The following TMCO1 variants were observed in gnomAD, a reference collection of about 807,000 sequenced individuals.
TMCO1 encodes calcium load-activated calcium channel.
A neutral mutation model predicts 29.3 loss-of-function variants in TMCO1; 29 were observed. That is an observed-to-expected ratio of 0.99 (90% CI 0.74 to 1.35). The LOEUF is 1.35. Ranked by LOEUF, TMCO1 falls within the 40% of genes most tolerant of loss-of-function variation. The pLI is 0.00. For missense variants in TMCO1, 173 were observed against 225.5 expected (o/e 0.77, Z 1.49); for synonymous variants, 80 against 77.1 (o/e 1.04, Z -0.20).
chr1:165,724,625 T>A (rs1331400955), downstream of TMCO1: 24 of 454,054 alleles, frequency 5.3e-5, no homozygotes, highest in East Asian at 1.5e-3. Flanking sequence ...AAGGCTCTAG[T>A]GATTCTGATA....
rs558227875 is a variant in TMCO1 at position 165,727,766 on chromosome 1, T to C, written c.*257A>G. 9 of 469,312 alleles carry C rather than the reference T, an allele frequency of 1.9e-5. No homozygotes were observed. Among genetic ancestry groups the C allele is most frequent in the African/African-American group, 1.8e-4 (9 of 50,786 alleles). The allele number at this position is 469,312 out of a possible 1,614,324, so 29.1% of individuals were successfully genotyped here. A position where few individuals can be genotyped will look rare whatever the true frequency, so the allele number is the denominator to read the frequency against. On this transcript the variant is annotated 3_prime_UTR_variant, in exon 7 of 7. Coordinates refer to ENST00000367881, the MANE Select transcript of TMCO1 (RefSeq NM_019026.6). The stretch of plus-strand genomic sequence containing the variant: ...TAAATGAAACAAGAAGGATGCTATT[T>C]GTTTTTCATTACATAAACATTACCT...
intron 2 of TMCO1, among the ~76,000 whole-genome samples, chr1:165,762,694 T>C (rs1652438945): frequency 6.6e-6 from 1 of 152,212 alleles, no homozygotes; most frequent in Non-Finnish European, 1.5e-5. Flanking sequence ...TTTCTGTCCA[T>C]GATCTGTATT....
intron 2 of TMCO1, among the ~76,000 whole-genome samples, chr1:165,761,191 G>GTA (rs1266173371): frequency 3.9e-5 from 6 of 152,026 alleles, no homozygotes; most frequent in Non-Finnish European, 7.4e-5. Flanking sequence ...GTGTGTGTGT[G>GTA]TGTTTGTTCT....
At chr1:165,724,732 A>C (rs548906177), downstream of TMCO1, 1 of 453,376 alleles carries the variant, frequency 2.2e-6, no homozygotes, top group Non-Finnish European at 4.4e-6. Flanking sequence ...ATTCCAAAAA[A>C]CTGCAAAAAT....
At chr1:165,763,296 T>G (rs182486194) in intron 2 of TMCO1, among the ~76,000 whole-genome samples, 2 of 152,362 alleles carry the variant, frequency 1.3e-5, no homozygotes, top group African/African-American at 4.8e-5. Flanking sequence ...CTTTTTAATA[T>G]TCCTCATGCT....
intron 6 of TMCO1, among the ~76,000 whole-genome samples, chr1:165,738,950 C>G (rs543942349): frequency 1.3e-5 from 2 of 152,128 alleles, no homozygotes; most frequent in East Asian, 3.9e-4. Context: ...TTTTCTCATG[C>G]GTGTCATGCA....
chr1:165,749,726 G>A (rs1333997651), intron 5 of TMCO1, among the ~76,000 whole-genome samples: 1 of 151,960 alleles, frequency 6.6e-6, no homozygotes, highest in African/African-American at 2.4e-5. Flanking sequence ...CTGATATGAC[G>A]AATGGCATTA....
At chr1:165,725,285 G>C, downstream of TMCO1, 2 of 453,840 alleles carry the variant, frequency 4.4e-6, no homozygotes, top group South Asian at 3.1e-5. Flanking sequence ...TTAGAAGGGG[G>C]ATCTAGAAGC....
At chr1:165,749,426 T>C (rs1208769319) in intron 5 of TMCO1, among the ~76,000 whole-genome samples, 1 of 152,224 alleles carries the variant, frequency 6.6e-6, no homozygotes, top group Non-Finnish European at 1.5e-5. Context: ...TTCAACTACG[T>C]GATATTGACA....
At chr1:165,746,663 A>G (rs1043182339) in intron 5 of TMCO1, among the ~76,000 whole-genome samples, 3 of 152,196 alleles carry the variant, frequency 2.0e-5, no homozygotes, top group Admixed American at 2.0e-4. Context: ...TCCATTCTTT[A>G]AAAATTTCAT....
intron 6 of TMCO1, 127 bp from the exon 7 acceptor site, chr1:165,728,248 G>T: frequency 1.5e-6 from 1 of 667,868 alleles, no homozygotes; most frequent in Non-Finnish European, 2.6e-6. Context: ...ACCTGCAATA[G>T]GATGATTATC....
intron 6 of TMCO1, among the ~76,000 whole-genome samples, chr1:165,734,022 A>G (rs1373192912): frequency 1.3e-5 from 2 of 152,228 alleles, no homozygotes; most frequent in African/African-American, 4.8e-5. Context: ...TTTAGCTAAA[A>G]TAACACACCT....
At chr1:165,751,915 G>GA (rs1002918166) in intron 5 of TMCO1, among the ~76,000 whole-genome samples, 187 bp downstream of exon 5, 2 of 151,028 alleles carry the variant, frequency 1.3e-5, no homozygotes, top group Non-Finnish European at 3.0e-5. Flanking sequence ...GAGAGAAAAA[G>GA]AAAAAAAAGA....
chr1:165,734,956 C>T (rs552258068), intron 6 of TMCO1, among the ~76,000 whole-genome samples: 1 of 152,230 alleles, frequency 6.6e-6, no homozygotes, highest in African/African-American at 2.4e-5. Flanking sequence ...CCTTCTGGGA[C>T]CTTCTTAACA....
intron 5 of TMCO1, among the ~76,000 whole-genome samples, chr1:165,745,458 G>A (rs1038017817): frequency 1.5e-5 from 2 of 130,854 alleles, no homozygotes; most frequent in Non-Finnish European, 3.2e-5. Flanking sequence ...GCAACATGGC[G>A]AAACCCTATC....
downstream of TMCO1, chr1:165,726,135 A>G: frequency 1.4e-6 from 1 of 696,172 alleles, no homozygotes; most frequent in Non-Finnish European, 2.6e-6. Context: ...ATTTGTCATT[A>G]TTGTTATCAT....
intron 6 of TMCO1, among the ~76,000 whole-genome samples, chr1:165,738,541 TAAG>T (rs935070245): frequency 9.2e-5 from 14 of 152,296 alleles, no homozygotes; most frequent in Admixed American, 9.2e-4. Context: ...AGCAGGCTAA[TAAG>T]GATTTTAGTT....
intron 2 of TMCO1, among the ~76,000 whole-genome samples, chr1:165,763,906 C>T (rs1186757354): frequency 6.6e-6 from 1 of 152,190 alleles, no homozygotes; most frequent in South Asian, 2.1e-4. Flanking sequence ...GGATTACAGG[C>T]GTAAGCCACT....
intron 6 of TMCO1, among the ~76,000 whole-genome samples, chr1:165,737,637 G>A (rs1651441918): frequency 6.6e-6 from 1 of 152,110 alleles, no homozygotes; most frequent in African/African-American, 2.4e-5. Context: ...AGGACACAAA[G>A]ACATGAAGAA....
Sources: gnomAD v4.1 joint callset for allele counts (sites outside exome capture counted in the v4.1 genomes callset) on GRCh38, gnomAD v4.1.1 for gene constraint, MANE v1.5 for transcripts, NCBI Gene and HGNC (gene_info 2026-07-23, HGNC 2026-07-21) for gene names.